The following GRIA2 variants were observed in gnomAD, a reference collection of about 807,000 sequenced individuals.
GRIA2 encodes the protein glutamate receptor 2.
GRIA2 carries 14 observed loss-of-function variants against 97.3 expected under a neutral mutation model. That is an observed-to-expected ratio of 0.14 (90% CI 0.10 to 0.23). The LOEUF is 0.23. Among genes scored for constraint, GRIA2 ranks in the 10% least tolerant of loss-of-function variants. The pLI is 1.00. For missense variants in GRIA2, 558 were observed against 1,069.8 expected (o/e 0.52, Z 6.67); for synonymous variants, 412 against 387.8 (o/e 1.06, Z -0.73).
At chr4:157,354,191 GT>G (rs759972181) in intron 12 of GRIA2, among the ~76,000 whole-genome samples, 48 of 152,226 alleles carry the variant, frequency 3.2e-4, no homozygotes, top group South Asian at 1.5e-3. Context: ...TTACCATTAA[GT>G]TTTTAATTTC....
intron 2 of GRIA2, among the ~76,000 whole-genome samples, chr4:157,224,720 A>G (rs186177202): frequency 6.6e-4 from 101 of 152,266 alleles, no homozygotes; most frequent in Admixed American, 2.2e-3. Flanking sequence ...AATCCTGCTT[A>G]AGATTTTTCT....
chr4:157,284,413 G>A lies in GRIA2; in HGVS notation c.230-19139G>A, dbSNP rs890867474. Reference sequence around the variant, plus strand: ...AATGACTTTAATCAGGTTTTCATATGCCCTGCTCTCCAAAGCATCCATTAT... The same window carrying A: ...AATGACTTTAATCAGGTTTTCATATACCCTGCTCTCCAAAGCATCCATTAT... On this transcript the variant is annotated intron_variant, in intron 2 of 15. Transcript: ENST00000264426. Among the ~76,000 whole-genome samples the A allele has an allele frequency of 2.0e-5, 3 of 151,648 alleles. No homozygotes were observed. In the Admixed American group the frequency reaches 2.0e-4, roughly 10 times the overall value.
chr4:157,243,198 A>C (rs2126721290), intron 2 of GRIA2, among the ~76,000 whole-genome samples: 1 of 152,200 alleles, frequency 6.6e-6, no homozygotes, highest in East Asian at 1.9e-4. Context: ...ATTGATTTTG[A>C]GGTTACAAAT....
At chr4:157,346,726 T>G (rs1242156857) in intron 12 of GRIA2, among the ~76,000 whole-genome samples, 1 of 152,168 alleles carries the variant, frequency 6.6e-6, no homozygotes, top group Non-Finnish European at 1.5e-5. Context: ...AAGTCACTCA[T>G]GCATGGTTAG....
intron 2 of GRIA2, among the ~76,000 whole-genome samples, chr4:157,240,340 T>G (rs560521475): frequency 6.6e-6 from 1 of 152,170 alleles, no homozygotes; most frequent in Admixed American, 6.6e-5. Context: ...CAATATCAAT[T>G]ATGTTCTAAT....
chr4:157,356,002 T>C (rs1182988334), intron 12 of GRIA2, among the ~76,000 whole-genome samples: 3 of 105,300 alleles, frequency 2.8e-5, no homozygotes, highest in African/African-American at 1.2e-4. Context: ...TATATATTTA[T>C]ATATGTATTT....
intron 2 of GRIA2, among the ~76,000 whole-genome samples, chr4:157,222,874 C>T (rs1372795928): frequency 6.6e-6 from 1 of 152,228 alleles, no homozygotes; most frequent in Non-Finnish European, 1.5e-5. Flanking sequence ...CGCTCGCTCC[C>T]CCGCGCAGGC....
At chr4:157,305,657 A>T (rs1733810447) in intron 3 of GRIA2, among the ~76,000 whole-genome samples, 1 of 152,074 alleles carries the variant, frequency 6.6e-6, no homozygotes. Context: ...CTCTGCCTGT[A>T]TCACTAATTC....
intron 2 of GRIA2, among the ~76,000 whole-genome samples, chr4:157,233,079 G>A (rs527582872): frequency 6.6e-6 from 1 of 152,172 alleles, no homozygotes; most frequent in Non-Finnish European, 1.5e-5. Context: ...CTTGCTATTA[G>A]AGGCAGAAGA....
At chr4:157,245,709 C>T (rs1167739161) in intron 2 of GRIA2, among the ~76,000 whole-genome samples, 1 of 152,000 alleles carries the variant, frequency 6.6e-6, no homozygotes, top group Non-Finnish European at 1.5e-5. Flanking sequence ...GATTCCAAGA[C>T]CTCTCTTGAT....
chr4:157,235,604 A>T (rs554464279), intron 2 of GRIA2, among the ~76,000 whole-genome samples: 1 of 152,222 alleles, frequency 6.6e-6, no homozygotes, highest in East Asian at 1.9e-4. Flanking sequence ...TTTAGAATAT[A>T]TTGCTGAAAA....
At chr4:157,261,326 G>C (rs534179891) in intron 2 of GRIA2, among the ~76,000 whole-genome samples, 1 of 151,954 alleles carries the variant, frequency 6.6e-6, no homozygotes, top group African/African-American at 2.4e-5. Context: ...TTTTACCTTT[G>C]CATTCAAAAT....
chr4:157,355,172 T>G (rs1328799228), intron 12 of GRIA2, among the ~76,000 whole-genome samples: 8 of 152,272 alleles, frequency 5.3e-5, no homozygotes, highest in Non-Finnish European at 1.0e-4. Flanking sequence ...AATTATTTCA[T>G]TTCACTTTAT....
At chr4:157,283,642 T>A (rs1732708448) in intron 2 of GRIA2, among the ~76,000 whole-genome samples, 1 of 151,998 alleles carries the variant, frequency 6.6e-6, no homozygotes, top group South Asian at 2.1e-4. Context: ...TTTTAGTGGC[T>A]TTAATTCTAT....
intron 3 of GRIA2, among the ~76,000 whole-genome samples, chr4:157,307,730 A>G (rs1034796745): frequency 3.3e-5 from 5 of 152,224 alleles, no homozygotes; most frequent in African/African-American, 1.2e-4. Context: ...ATACATTTCT[A>G]CAGAGAGTAG....
chr4:157,354,235 A>C (rs1452084006), intron 12 of GRIA2, among the ~76,000 whole-genome samples: 1 of 152,140 alleles, frequency 6.6e-6, no homozygotes, highest in Admixed American at 6.5e-5. Flanking sequence ...TTTTTGTGTA[A>C]AATAAAATTA....
chr4:157,310,119 A>C (rs140878256), intron 3 of GRIA2, among the ~76,000 whole-genome samples: 1 of 152,310 alleles, frequency 6.6e-6, no homozygotes, highest in East Asian at 1.9e-4. Flanking sequence ...AATTGATCAT[A>C]ATGACCAGCT....
In GRIA2 at chr4:157,359,963, T is replaced by C; in HGVS notation, c.2111T>C (p.Val704Ala). The C allele has an allele frequency of 6.2e-7, 1 of 1,613,716 alleles. No homozygotes were observed. Among genetic ancestry groups the C allele is most frequent in the Non-Finnish European group, 8.5e-7 (1 of 1,179,730 alleles). ...YMRSAEPSVF[V>A]RTTAEGVARV... ...CGGAGTGCGGAGCCCTCTGTGTTTG[T>C]GAGGACTACGGCCGAAGGGGTGGCT... The change falls in exon 13 of 16, where the codon GTG becomes GCG. Residue 704 changes from valine to alanine, a missense_variant. Val to Ala is a moderately conservative substitution (Grantham distance 64). Coordinates refer to ENST00000264426, the MANE Select transcript of GRIA2 (RefSeq NM_001083619.3).
At chr4:157,327,528 A>G (rs1490575872) in intron 6 of GRIA2, among the ~76,000 whole-genome samples, 1 of 152,124 alleles carries the variant, frequency 6.6e-6, no homozygotes, top group Non-Finnish European at 1.5e-5. Context: ...GAGTATAAAG[A>G]TATTTCCCAC....
Sources: allele counts gnomAD v4.1 joint callset (sites outside exome capture counted in the v4.1 genomes callset), GRCh38; gene constraint gnomAD v4.1.1; transcripts MANE v1.5; gene names NCBI Gene and HGNC (gene_info 2026-07-23, HGNC 2026-07-21).